The following MCCC1 variants were observed in gnomAD, a reference collection of about 807,000 sequenced individuals.
MCCC1 encodes methylcrotonoyl-CoA carboxylase subunit alpha, mitochondrial.
In MCCC1, 64 loss-of-function variants were observed where a neutral mutation model predicts 83.8. The observed-to-expected ratio is 0.76, with a 90% CI of 0.62 to 0.94. The LOEUF (loss-of-function observed/expected upper bound fraction) is 0.94, where lower values mean the gene tolerates loss of function less well. MCCC1 is among the 40% of genes least tolerant of loss of function. MCCC1 has a pLI of 0.00. For missense variants in MCCC1, 807 were observed against 904.7 expected, an observed-to-expected ratio of 0.89 and a Z score of 1.39; for synonymous variants, 322 against 315.4, an observed-to-expected ratio of 1.02 and a Z score of -0.22.
At chr3:183,022,130 G>T (rs1712207210) in intron 16 of MCCC1, among the ~76,000 whole-genome samples, 3 of 152,150 alleles carry the variant, frequency 2.0e-5, no homozygotes, top group Non-Finnish European at 2.9e-5. Context: ...CACTGAGCAG[G>T]GAGATATGCT....
chr3:183,096,538 A>G (rs894139463), intron 1 of MCCC1, among the ~76,000 whole-genome samples: 4 of 152,204 alleles, frequency 2.6e-5, no homozygotes, highest in Admixed American at 6.5e-5. Context: ...GTATATACAT[A>G]TTATGTATAT....
rs146898838 is a variant in MCCC1, at chr3:183,070,811, T to C, written c.761+188A>G. 9.2e-4 allele frequency among the ~76,000 whole-genome samples: 140 copies of C among 152,318 alleles called. 2 individuals are homozygous for C. The highest frequency in any genetic ancestry group is 3.2e-3 in the African/African-American group (133 of 41,564). ...GTATGTATATGTATATAGGTTTCTA[T>C]TCACATAGAAAATGGCTGGAAGAAT... On this transcript the variant is annotated intron_variant, in intron 7 of 18. Coordinates refer to ENST00000265594, the MANE Select transcript of MCCC1 (RefSeq NM_020166.5).
intron 1 of MCCC1, among the ~76,000 whole-genome samples, chr3:183,095,153 G>A (rs1718647956): frequency 6.6e-6 from 1 of 151,938 alleles, no homozygotes; most frequent in South Asian, 2.1e-4. Context: ...CGTCATGGCG[G>A]GCACCTGTAG....
chr3:183,108,326 C>G (rs1362634275), intron 1 of MCCC1, among the ~76,000 whole-genome samples: 3 of 152,126 alleles, frequency 2.0e-5, no homozygotes, highest in Non-Finnish European at 4.4e-5. Context: ...AGATTCCTCC[C>G]TTTTGGCAGG....
chr3:183,041,454 A>T, intron 11 of MCCC1, 113 bp downstream of exon 11: 1 of 1,140,646 alleles, frequency 8.8e-7, no homozygotes, highest in Non-Finnish European at 1.3e-6. Flanking sequence ...TAAATTCTTT[A>T]TTTTAAAATA....
chr3:183,080,031 A>C (rs561244067), intron 4 of MCCC1, among the ~76,000 whole-genome samples: 1 of 152,282 alleles, frequency 6.6e-6, no homozygotes, highest in African/African-American at 2.4e-5. Flanking sequence ...CTGGCCCACA[A>C]AACCATTTTT....
intron 13 of MCCC1, among the ~76,000 whole-genome samples, chr3:183,036,292 T>A (rs1713581686): frequency 6.6e-6 from 1 of 152,012 alleles, no homozygotes. Context: ...CTATGAAGTC[T>A]CTAGGTAGAC....
chr3:183,028,732 G>A (rs1009911767), intron 14 of MCCC1, among the ~76,000 whole-genome samples: 3 of 152,214 alleles, frequency 2.0e-5, no homozygotes, highest in African/African-American at 7.2e-5. Flanking sequence ...TGACTGAATT[G>A]CTGCATCTCA....
At chr3:183,022,916 G>A (rs1712278362) in intron 15 of MCCC1, among the ~76,000 whole-genome samples, 1 of 152,132 alleles carries the variant, frequency 6.6e-6, no homozygotes. Context: ...TTACATGTTT[G>A]TAATATAAAC....
chr3:183,061,973 T>C (rs910451764), intron 7 of MCCC1, among the ~76,000 whole-genome samples: 12 of 152,310 alleles, frequency 7.9e-5, no homozygotes, highest in Admixed American at 7.2e-4. Flanking sequence ...TTTCCCGTGC[T>C]GTTCTTGTGA....
chr3:183,020,300 ACCTGAG>A, intron 16 of MCCC1, 63 bp from the exon 17 acceptor site: 2 of 1,245,278 alleles, frequency 1.6e-6, no homozygotes, highest in Non-Finnish European at 2.3e-6. Context: ...TTACTAATAT[ACCTGAG>A]GTAATAATTG....
At chr3:183,081,618 G>A (rs1717503013) in intron 4 of MCCC1, among the ~76,000 whole-genome samples, 2 of 152,200 alleles carry the variant, frequency 1.3e-5, no homozygotes, top group South Asian at 2.1e-4. Context: ...CTTTGGTCAA[G>A]GAATAGGCTG....
chr3:183,099,319 C>T (rs1404161699), intron 1 of MCCC1, 33 bp downstream of exon 1: 1 of 1,568,020 alleles, frequency 6.4e-7, no homozygotes, highest in Admixed American at 1.8e-5. Context: ...TCGCTCCCGC[C>T]TCTGCCCACT....
chr3:183,022,598 AC>A, intron 15 of MCCC1, 44 bp from the exon 16 acceptor site: 1 of 1,472,392 alleles, frequency 6.8e-7, no homozygotes, highest in South Asian at 1.2e-5. Flanking sequence ...AATGAACAAC[AC>A]TACAGAATTA....
intron 4 of MCCC1, among the ~76,000 whole-genome samples, chr3:183,076,463 A>C (rs1717083093): frequency 6.6e-6 from 1 of 152,212 alleles, no homozygotes; most frequent in Admixed American, 6.5e-5. Flanking sequence ...ATTATGAATA[A>C]CGGTGTTATA....
intron 14 of MCCC1, among the ~76,000 whole-genome samples, chr3:183,033,596 C>T (rs920131933): frequency 2.0e-5 from 3 of 152,036 alleles, no homozygotes; most frequent in Non-Finnish European, 2.9e-5. Context: ...GTTTTGAAAA[C>T]TGTTTTTCTT....
upstream of MCCC1, among the ~76,000 whole-genome samples, chr3:183,100,299 G>A (rs1719083628): frequency 6.6e-6 from 1 of 152,220 alleles, no homozygotes; most frequent in East Asian, 1.9e-4. Flanking sequence ...AATGGATGAT[G>A]TTACAAGAAA....
At chr3:183,094,639 A>G in intron 1 of MCCC1, 34 bp from the exon 2 acceptor site, 6 of 1,593,686 alleles carry the variant, frequency 3.8e-6, no homozygotes, top group Non-Finnish European at 5.2e-6. Context: ...TTACAATTAA[A>G]CAGAATAGGC....
At chr3:183,037,185 G>A (rs765536731) in intron 13 of MCCC1, 33 bp downstream of exon 13, 2 of 1,605,094 alleles carry the variant, frequency 1.2e-6, no homozygotes, top group Non-Finnish European at 8.5e-7. Flanking sequence ...TGCAAAACTT[G>A]ACAAGCAGAG....
Sources: allele counts gnomAD v4.1 joint callset (sites outside exome capture counted in the v4.1 genomes callset), GRCh38; gene constraint gnomAD v4.1.1; transcripts MANE v1.5; gene names NCBI Gene and HGNC (gene_info 2026-07-23, HGNC 2026-07-21).